CCL18: variants seen among roughly 807,000 people sequenced by gnomAD.
CCL18 encodes C-C motif chemokine ligand 18.
Under a neutral mutation model 8.0 loss-of-function variants are expected in CCL18, and 7 were observed. The observed-to-expected ratio is 0.87, with a 90% CI of 0.50 to 1.64. The LOEUF (loss-of-function observed/expected upper bound fraction) is 1.64. Ranked by LOEUF, CCL18 falls within the 40% of genes most tolerant of loss-of-function variation. The pLI, the probability that CCL18 is intolerant of heterozygous loss-of-function variation, is 0.00. For synonymous variants in CCL18, 35 were observed against 41.3 expected (o/e 0.85, Z 0.59); for missense variants, 95 against 107.8 (o/e 0.88, Z 0.52).
chr17:36,067,594 GGA>G (rs1293096124), intron 1 of CCL18, among the ~76,000 whole-genome samples: 1 of 152,132 alleles, frequency 6.6e-6, no homozygotes, highest in Non-Finnish European at 1.5e-5. Flanking sequence ...GGCTGAGGTA[GGA>G]GAATCGCTTG....
At chr17:36,066,744 G>A (rs762421823) in intron 1 of CCL18, among the ~76,000 whole-genome samples, 5 of 152,238 alleles carry the variant, frequency 3.3e-5, no homozygotes, top group African/African-American at 1.2e-4. Flanking sequence ...CTGTGCTGCA[G>A]CTCCTCTGAC....
rs2015070 is a variant in CCL18 at position 36,064,423 on chromosome 17, C to T, written c.67+14C>T. On this transcript the variant is annotated intron_variant, in intron 1 of 2. Coordinates refer to ENST00000616054, the MANE Select transcript of CCL18 (RefSeq NM_002988.4). ...CCTGTGCACAAGGTGAGTCTGTCAT[C>T]CATGTGCTTTGATGGCTCCCTGGGC... The T allele has an allele frequency of 0.099, 159,089 of 1,607,618 alleles. 9,096 individuals are homozygous for T. Among genetic ancestry groups the T allele is most frequent in the Admixed American group, 0.24 (14,031 of 59,676 alleles).
At chr17:36,069,041 G>T (rs555966397) in intron 1 of CCL18, among the ~76,000 whole-genome samples, 1 of 151,786 alleles carries the variant, frequency 6.6e-6, no homozygotes, top group African/African-American at 2.4e-5. Context: ...AATTTATAGA[G>T]ACAGGGTCTC....
At chr17:36,070,360 C>T in intron 1 of CCL18, 87 bp from the exon 2 acceptor site, 1 of 765,174 alleles carries the variant, frequency 1.3e-6, no homozygotes, top group African/African-American at 1.7e-5. Flanking sequence ...TCTCCCAGTT[C>T]TTCCTGACTC....
At chr17:36,070,886 C>G in intron 2 of CCL18, 65 bp from the exon 3 acceptor site, 1 of 1,205,432 alleles carries the variant, frequency 8.3e-7, no homozygotes. Context: ...CAGAGAAGGA[C>G]GCAGGGGCCA....
At chr17:36,070,648 C>T (rs2066860769) in intron 2 of CCL18, 90 bp downstream of exon 2, 1 of 827,346 alleles carries the variant, frequency 1.2e-6, no homozygotes, top group East Asian at 2.5e-5. Flanking sequence ...CTCTAAGGCC[C>T]ATCAAGGTAA....
chr17:36,069,569 C>T (rs1039785132), intron 1 of CCL18, among the ~76,000 whole-genome samples: 13 of 152,102 alleles, frequency 8.5e-5, no homozygotes, highest in Non-Finnish European at 1.6e-4. Context: ...ACATGTACCC[C>T]GAACTTAAAA....
At chr17:36,064,850 A>C (rs990716712) in intron 1 of CCL18, among the ~76,000 whole-genome samples, 7 of 152,234 alleles carry the variant, frequency 4.6e-5, no homozygotes, top group Non-Finnish European at 7.3e-5. Flanking sequence ...TAGACTATTC[A>C]GGGAGCTTGA....
chr17:36,065,663 G>A (rs886704304), intron 1 of CCL18, among the ~76,000 whole-genome samples: 5 of 152,184 alleles, frequency 3.3e-5, no homozygotes, highest in African/African-American at 4.8e-5. Context: ...GAAAAACCAA[G>A]TAAATTTCTT....
chr17:36,067,744 T>A (rs1223920904), intron 1 of CCL18, among the ~76,000 whole-genome samples: 2 of 152,202 alleles, frequency 1.3e-5, no homozygotes, highest in East Asian at 3.8e-4. Context: ...ATGACAATAT[T>A]AATGCACTAG....
intron 1 of CCL18, among the ~76,000 whole-genome samples, chr17:36,068,465 G>A (rs1046398101): frequency 2.6e-5 from 4 of 151,902 alleles, no homozygotes; most frequent in Non-Finnish European, 5.9e-5. Context: ...TCCTGCCTCC[G>A]TTTGCCTGCT....
intron 1 of CCL18, 196 bp from the exon 2 acceptor site, chr17:36,070,251 C>A: frequency 5.6e-6 from 3 of 538,086 alleles, no homozygotes; most frequent in South Asian, 2.7e-5. Flanking sequence ...TGAGAAACAC[C>A]AAGAGAAAGA....
intron 1 of CCL18, among the ~76,000 whole-genome samples, 187 bp downstream of exon 1, chr17:36,064,596 C>G (rs1219995579): frequency 2.0e-5 from 3 of 152,154 alleles, no homozygotes; most frequent in Non-Finnish European, 4.4e-5. Flanking sequence ...GGATGGGAGT[C>G]AGAGAAGTTT....
intron 2 of CCL18, 120 bp downstream of exon 2, chr17:36,070,678 C>T (rs2064679013): frequency 8.8e-6 from 6 of 684,880 alleles, no homozygotes; most frequent in Non-Finnish European, 1.5e-5. Flanking sequence ...GGGGAGGCCC[C>T]TGCAGTGTTT....
At chr17:36,070,342 C>T (rs1257209707) in intron 1 of CCL18, 105 bp from the exon 2 acceptor site, 10 of 662,428 alleles carry the variant, frequency 1.5e-5, no homozygotes, top group Non-Finnish European at 1.9e-5. Context: ...CCACCCCAAG[C>T]GGTGATATCT....
chr17:36,066,361 T>A (rs375094301), intron 1 of CCL18, among the ~76,000 whole-genome samples: 68 of 152,258 alleles, frequency 4.5e-4, no homozygotes, highest in African/African-American at 1.6e-3. Flanking sequence ...CTGTTCAGTG[T>A]TGGGCAGGCA....
At chr17:36,070,676 C>T (rs2066860906) in intron 2 of CCL18, 118 bp downstream of exon 2, 2 of 686,910 alleles carry the variant, frequency 2.9e-6, no homozygotes, top group Non-Finnish European at 5.1e-6. Context: ...CAGGGGAGGC[C>T]CCTGCAGTGT....
intron 1 of CCL18, among the ~76,000 whole-genome samples, 159 bp downstream of exon 1, chr17:36,064,568 C>T (rs1428427925): frequency 1.3e-5 from 2 of 152,196 alleles, no homozygotes; most frequent in Non-Finnish European, 2.9e-5. Context: ...GAAAAGCAGT[C>T]TATTGATCTG....
At chr17:36,068,613 A>T (rs2066849548) in intron 1 of CCL18, among the ~76,000 whole-genome samples, 1 of 152,218 alleles carries the variant, frequency 6.6e-6, no homozygotes, top group Non-Finnish European at 1.5e-5. Flanking sequence ...TGAACTAAAA[A>T]CACTAGTAAC....
Sources: gnomAD v4.1 joint callset for allele counts (sites outside exome capture counted in the v4.1 genomes callset) on GRCh38, gnomAD v4.1.1 for gene constraint, MANE v1.5 for transcripts, NCBI Gene and HGNC (gene_info 2026-07-23, HGNC 2026-07-21) for gene names.